ZCCHC14: variants seen among roughly 807,000 people sequenced by gnomAD.
The protein encoded by ZCCHC14 is zinc finger CCHC-type containing 14.
In ZCCHC14, 16 loss-of-function variants were observed where a neutral mutation model predicts 85.0. The observed-to-expected ratio is 0.19, with a 90% CI of 0.13 to 0.29. The LOEUF (loss-of-function observed/expected upper bound fraction) is 0.29, where lower values mean the gene tolerates loss of function less well. Ranked by LOEUF, ZCCHC14 falls within the 10% of genes least tolerant of loss-of-function variation. ZCCHC14 has a pLI of 1.00. For synonymous variants in ZCCHC14, 775 were observed against 630.7 expected, an observed-to-expected ratio of 1.23 and a Z score of -3.43; for missense variants, 1,303 against 1,443.5, an observed-to-expected ratio of 0.90 and a Z score of 1.58.
chr16:87,456,533 CAAAAAAAA>C (rs60817141), intron 2 of ZCCHC14, among the ~76,000 whole-genome samples: 121 of 63,368 alleles, frequency 1.9e-3, no homozygotes, highest in African/African-American at 6.6e-3. Flanking sequence ...ACTCTGTCTC[CAAAAAAAA>C]AAAAAAAAAA....
intron 2 of ZCCHC14, among the ~76,000 whole-genome samples, chr16:87,446,098 C>T (rs1184146494): frequency 6.8e-6 from 1 of 148,030 alleles, no homozygotes; most frequent in African/African-American, 2.5e-5. Flanking sequence ...ACCCGGGAGG[C>T]AGAGGTTGTA....
chr16:87,473,964 C>A (rs1249811501), intron 1 of ZCCHC14: 1 of 152,184 alleles, frequency 6.6e-6, no homozygotes, highest in Non-Finnish European at 1.5e-5. Context: ...AACAAGGCAT[C>A]GCTGCTTCAG....
At position 87,434,019 on chromosome 16, in the gene ZCCHC14, G is replaced by A. The variant is rs1024840935; in HGVS notation, c.695-818C>T. Among the ~76,000 whole-genome samples, 15 of 152,282 alleles carry A rather than the reference G, an allele frequency of 9.9e-5. 1 individual carries two copies. In the South Asian group the frequency reaches 1.2e-3, roughly 13 times the overall value. ...AGGAGACCAGAACAACAGTCCTGGG[G>A]GAGTCAGGAAGATAGCACCGTCTGG... On this transcript the variant is annotated intron_variant, in intron 2 of 12. Transcript: ENST00000671377.
chr16:87,472,083 G>C (rs773298210), intron 1 of ZCCHC14: 1 of 152,276 alleles, frequency 6.6e-6, no homozygotes, highest in Non-Finnish European at 1.5e-5. Context: ...GCACAGACAA[G>C]TGCAAGTGTC....
chr16:87,447,769 A>C (rs1220005041), intron 2 of ZCCHC14, among the ~76,000 whole-genome samples: 1 of 152,240 alleles, frequency 6.6e-6, no homozygotes, highest in Non-Finnish European at 1.5e-5. Flanking sequence ...ACTTCATAAG[A>C]AATGCCAAAT....
Position 87,415,284 on chromosome 16 carries a change from C to T in ZCCHC14, c.1467G>A (p.Glu489=), listed in dbSNP as rs775748028. The part of the protein sequence containing the change: ...GAKKKLKTQL[E]LEKEKSERRC... ...ACCCACTTCACACTCACTTTTCCAG[C>T]TCCAGCTGGGTCTTGAGCTTCTTCT... The change falls in exon 9 of 13, where the codon GAG becomes GAA. Residue 489 remains glutamate, a synonymous_variant. Coordinates refer to ENST00000671377, the MANE Select transcript of ZCCHC14 (RefSeq NM_015144.3). 1 of 1,613,984 alleles carries T rather than the reference C, an allele frequency of 6.2e-7. No homozygotes were observed. The highest frequency in any genetic ancestry group is 8.5e-7 in the Non-Finnish European group (1 of 1,179,974).
In ZCCHC14 at chr16:87,406,728, T is replaced by C. The variant is rs1597393604; in HGVS notation, c.*3552A>G. Reference sequence around the variant, plus strand: ...CTTTGGCCTCAACCAGCACAGTATATGGTTTTCTAGAATATTGCGAGTGTT... The same window carrying C: ...CTTTGGCCTCAACCAGCACAGTATACGGTTTTCTAGAATATTGCGAGTGTT... On this transcript the variant is annotated 3_prime_UTR_variant, in exon 13 of 13. Transcript: ENST00000671377. 1 of 152,226 alleles carries C rather than the reference T, an allele frequency of 6.6e-6. No homozygotes were observed. Among genetic ancestry groups the C allele is most frequent in the Non-Finnish European group, 1.5e-5 (1 of 68,048 alleles). The allele number at this position is 152,226 out of a possible 1,614,324, so 9.4% of individuals were successfully genotyped here.
At chr16:87,483,254 T>C (rs1290936779) in intron 1 of ZCCHC14, among the ~76,000 whole-genome samples, 2 of 135,430 alleles carry the variant, frequency 1.5e-5, no homozygotes, top group African/African-American at 2.8e-5. Flanking sequence ...AGTCAGGAGC[T>C]TGAGACCAGC....
chr16:87,440,852 T>G (rs1213688648), intron 2 of ZCCHC14, among the ~76,000 whole-genome samples: 3 of 151,850 alleles, frequency 2.0e-5, no homozygotes, highest in South Asian at 2.1e-4. Flanking sequence ...TGGACTCAAG[T>G]GATCTGCCTG....
chr16:87,425,681 G>A (rs1909334777), intron 3 of ZCCHC14, among the ~76,000 whole-genome samples: 2 of 152,126 alleles, frequency 1.3e-5, no homozygotes, highest in African/African-American at 4.8e-5. Flanking sequence ...CTTGGGGAGA[G>A]GTTCCTAAGC....
intron 2 of ZCCHC14, among the ~76,000 whole-genome samples, chr16:87,448,560 T>C (rs1395610422): frequency 1.3e-5 from 2 of 152,166 alleles, no homozygotes; most frequent in Non-Finnish European, 2.9e-5. Context: ...TGGCTGCCCA[T>C]TTGCGCCACT....
chr16:87,443,506 C>T (rs1374625010), intron 2 of ZCCHC14, among the ~76,000 whole-genome samples: 1 of 152,148 alleles, frequency 6.6e-6, no homozygotes, highest in African/African-American at 2.4e-5. Flanking sequence ...GAGGCCAAGG[C>T]AGAAGAACTG....
chr16:87,476,852 C>T (rs972422756), intron 1 of ZCCHC14, among the ~76,000 whole-genome samples: 5 of 151,982 alleles, frequency 3.3e-5, no homozygotes, highest in South Asian at 2.1e-4. Flanking sequence ...GGTGGCCGGG[C>T]GCGGTGGCTC....
intron 2 of ZCCHC14, among the ~76,000 whole-genome samples, chr16:87,443,115 T>C (rs1325157573): frequency 6.6e-6 from 1 of 152,198 alleles, no homozygotes; most frequent in Non-Finnish European, 1.5e-5. Context: ...TTGTTCAAAA[T>C]AGGTTTGATG....
intron 3 of ZCCHC14, among the ~76,000 whole-genome samples, chr16:87,431,272 G>GACCA (rs1395619529): frequency 6.6e-6 from 1 of 152,034 alleles, no homozygotes; most frequent in Non-Finnish European, 1.5e-5. Flanking sequence ...AGGACATTGA[G>GACCA]ACCATCCTGG....
Position 87,411,830 on chromosome 16 carries a change from A to C in ZCCHC14, c.2891T>G (p.Phe964Cys). The C allele has an allele frequency of 6.2e-7, 1 of 1,610,782 alleles. No individual in the cohort carries two copies. Residue 964 changes from phenylalanine to cysteine, a missense_variant, in exon 12 of 13, where the codon TTC becomes TGC. Coordinates refer to ENST00000671377, the MANE Select transcript of ZCCHC14 (RefSeq NM_015144.3). ...GTAGCCGCTGCTGCACATGGGACTG[A>C]AGGGCAAGAAGGGGAAGGTGAACAC... ...PSVFTFPFLP[F>C]SPMCSSGYVS...
chr16:87,434,731 C>A (rs1356848614), intron 2 of ZCCHC14, among the ~76,000 whole-genome samples: 3 of 152,184 alleles, frequency 2.0e-5, no homozygotes, highest in Non-Finnish European at 2.9e-5. Context: ...GTGGCTCACG[C>A]CTGGTATCCC....
chr16:87,447,764 A>G (rs991051224), intron 2 of ZCCHC14, among the ~76,000 whole-genome samples: 1 of 152,254 alleles, frequency 6.6e-6, no homozygotes, highest in African/African-American at 2.4e-5. Context: ...TTATCACTTC[A>G]TAAGAAATGC....
chr16:87,459,586 C>G (rs930740712), intron 2 of ZCCHC14, among the ~76,000 whole-genome samples: 1 of 151,020 alleles, frequency 6.6e-6, no homozygotes, highest in Non-Finnish European at 1.5e-5. Context: ...CTTGGCTTAC[C>G]ACGACCTCCG....
Sources: allele counts gnomAD v4.1 joint callset (sites outside exome capture counted in the v4.1 genomes callset), GRCh38; gene constraint gnomAD v4.1.1; transcripts MANE v1.5; gene names NCBI Gene and HGNC (gene_info 2026-07-23, HGNC 2026-07-21).